Variants in TTYH1 observed in about 807,000 individuals in gnomAD.
The protein encoded by TTYH1 is tweety family member 1, also known as protein tweety homolog 1.
TTYH1 carries 33 observed loss-of-function variants against 61.2 expected under a neutral mutation model. The ratio of observed to expected loss-of-function variants is 0.54; its 90% CI spans 0.41 to 0.72. The LOEUF (loss-of-function observed/expected upper bound fraction) is 0.72, where lower values mean the gene tolerates loss of function less well. Among genes scored for constraint, TTYH1 ranks in the 30% least tolerant of loss-of-function variants. The pLI, the probability that TTYH1 is intolerant of heterozygous loss-of-function variation, is 0.00. For missense variants in TTYH1, 538 were observed against 575.8 expected (o/e 0.93, Z 0.67); for synonymous variants, 308 against 266.4 (o/e 1.16, Z -1.52).
chr19:54,416,817 A>T lies in TTYH1; in HGVS notation c.126+1139A>T. On this transcript the variant is annotated intron_variant, in intron 1 of 13. Transcript: ENST00000376530. This position sits in a 1 kb window ranked among gnomAD's most constrained non-coding sequence, Gnocchi z 7.0. ...CGCGGTTACACAACGGCCACCTCCA[A>T]CAACGCCGCTCCACCGGCTCCGGCC... is the stretch of plus-strand genomic sequence containing the variant. 2 of 1,293,876 alleles carry T rather than the reference A, an allele frequency of 1.5e-6. No homozygotes were observed. The highest frequency in any genetic ancestry group is 2.0e-6 in the Non-Finnish European group (2 of 988,704). 80.1% of individuals were successfully genotyped at this position (1,293,876 alleles called of 1,614,324 possible).
Position 54,429,190 on chromosome 19 carries a change from C to A in TTYH1, c.735-117C>A. ...AACTTGTGTTTCCCTAATTCTGATC[C>A]TCCAGGCTCCAGAGGTGGGTGGAGG... On this transcript the variant is annotated intron_variant, in intron 5 of 13. Transcript: ENST00000376530. This position sits in a 1 kb window ranked among gnomAD's most constrained non-coding sequence, Gnocchi z 5.1. The A allele has an allele frequency of 2.2e-6, 2 of 913,096 alleles. No individual in the cohort carries two copies. The highest frequency in any genetic ancestry group is 3.5e-6 in the Non-Finnish European group (2 of 567,400). The allele number at this position is 913,096 out of a possible 1,614,324, so 56.6% of individuals were successfully genotyped here.
intron 4 of TTYH1, among the ~76,000 whole-genome samples, chr19:54,422,928 CAAAAAAAA>C (rs573699988): frequency 0.41 from 35,262 of 85,350 alleles, 5,469 homozygotes; most frequent in East Asian, 0.61. Flanking sequence ...GACTCCATCT[CAAAAAAAA>C]AAAAAAAAAA....
rs1367050000 is a variant in TTYH1, at chr19:54,420,342, G to C, written c.306-935G>C. On this transcript the variant is annotated intron_variant, in intron 2 of 13. Transcript: ENST00000376530. This position sits in a 1 kb window ranked among gnomAD's most constrained non-coding sequence, Gnocchi z 4.8. ...TCCTCCTCCGGCTCTCTGGCGTGGG[G>C]GGAGACAGGGGAGGTGGACAAAGGC... is the stretch of plus-strand genomic sequence containing the variant. 6.6e-6 allele frequency among the ~76,000 whole-genome samples: 1 copy of C among 152,198 alleles called. No homozygotes were observed. Among genetic ancestry groups the C allele is most frequent in the African/African-American group, 2.4e-5 (1 of 41,462 alleles).
chr19:54,436,280 C>A lies in TTYH1; in HGVS notation c.*43-53C>A, dbSNP rs983038704. The A allele has an allele frequency of 2.5e-6, 4 of 1,612,520 alleles. No individual in the cohort carries two copies. The African/African-American group carries it at 5.3e-5, about 22-fold the overall frequency. ...CGTGCCTCCTGCTGGGTGGATCGCACCGGGCAGGCCCTCCAGCCTGCATCA... is the reference window on the plus strand; with the variant it reads ...CGTGCCTCCTGCTGGGTGGATCGCAACGGGCAGGCCCTCCAGCCTGCATCA... On this transcript the variant is annotated intron_variant, in intron 13 of 13. Transcript: ENST00000376530. This position sits in a 1 kb window ranked among gnomAD's most constrained non-coding sequence, Gnocchi z 4.3.
At chr19:54,430,646 A>G in intron 8 of TTYH1, 41 bp downstream of exon 8, 3 of 1,515,392 alleles carry the variant, frequency 2.0e-6, no homozygotes, top group South Asian at 2.2e-5. Context: ...TGAGGGAGCC[A>G]GAAATCTGGA....
Position 54,435,636 on chromosome 19 carries a change from C to T in TTYH1, c.1220C>T (p.Ala407Val). 1 of 1,612,054 alleles carries T rather than the reference C, an allele frequency of 6.2e-7. No individual in the cohort carries two copies. ...LFSLLSAGAL[A>V]TALCSLPRAW... is the part of the protein sequence containing the mutation. ...TCCCTGCTGTCTGCAGGAGCGCTGG[C>T]CACTGCCCTCTGCAGCCTGCCCCGA... The change falls in exon 11 of 14, where the codon GCC becomes GTC. Residue 407 changes from alanine (A) to valine (V), a missense_variant. This residue lies in a region of TTYH1 where 378 missense variants were observed against 401.2 expected (regional missense o/e 0.94). Coordinates refer to ENST00000376530, the MANE Select transcript of TTYH1 (RefSeq NM_020659.4).
Position 54,421,221 on chromosome 19 carries a change from G to A in TTYH1, c.306-56G>A. 1.7e-6 allele frequency: 2 copies of A among 1,198,426 alleles called. No individual in the cohort carries two copies. The highest frequency in any genetic ancestry group is 2.5e-6 in the Non-Finnish European group (2 of 805,880). The allele number at this position is 1,198,426 out of a possible 1,614,324, so 74.2% of individuals were successfully genotyped here. On this transcript the variant is annotated intron_variant, in intron 2 of 13. Transcript: ENST00000376530. This position sits in a 1 kb window ranked among gnomAD's most constrained non-coding sequence, Gnocchi z 4.8. The stretch of plus-strand genomic sequence containing the variant: ...GGAGGGGATGGGGTGGGAGGGGACG[G>A]TGGCCCCCGGGGTCCTGGGACCCGC...
rs149599438 is a variant in TTYH1 at position 54,435,631 on chromosome 19, G to T, written c.1215G>T (p.Ala405=). The change falls in exon 11 of 14, where the codon GCG becomes GCT. Residue 405 remains alanine (A), a synonymous_variant. Coordinates refer to ENST00000376530, the MANE Select transcript of TTYH1 (RefSeq NM_020659.4). ...TCTTCTCCCTGCTGTCTGCAGGAGC[G>T]CTGGCCACTGCCCTCTGCAGCCTGC... ...LLLFSLLSAG[A]LATALCSLPR... The T allele has an allele frequency of 6.2e-7, 1 of 1,611,848 alleles. No homozygotes were observed. The highest frequency in any genetic ancestry group is 8.5e-7 in the Non-Finnish European group (1 of 1,179,550).
Position 54,429,821 on chromosome 19 carries a change from T to C in TTYH1, c.808-61T>C. ...AGCTGGGGAGCCAGGCACTGGGTGC[T>C]GTGGGAGTGTGGAATCGGGGCAGTT... On this transcript the variant is annotated intron_variant, in intron 6 of 13. Transcript: ENST00000376530. The surrounding 1 kb of genome is among the most constrained non-coding windows in gnomAD (Gnocchi z 5.1). 6.9e-7 allele frequency: 1 copy of C among 1,458,788 alleles called. No individual in the cohort carries two copies. 90.4% of individuals were successfully genotyped at this position (1,458,788 alleles called of 1,614,324 possible). A position where few individuals can be genotyped will look rare whatever the true frequency, so the allele number is the denominator to read the frequency against.
chr19:54,424,823 T>C (rs1290150225), intron 4 of TTYH1, among the ~76,000 whole-genome samples: 2 of 152,128 alleles, frequency 1.3e-5, no homozygotes, highest in Non-Finnish European at 2.9e-5. Flanking sequence ...CCCAAGCTTG[T>C]GGGGCCTGCA....
intron 7 of TTYH1, 71 bp from the exon 8 acceptor site, chr19:54,430,479 C>T: frequency 1.3e-6 from 2 of 1,558,524 alleles, no homozygotes; most frequent in Non-Finnish European, 1.8e-6. Context: ...CCCCCAGTGC[C>T]CGGCCTTCCC....
chr19:54,430,724 A>G (rs1041812593), intron 8 of TTYH1, 89 bp from the exon 9 acceptor site: 1 of 1,578,764 alleles, frequency 6.3e-7, no homozygotes, highest in East Asian at 2.3e-5. Flanking sequence ...GATGCAGGCC[A>G]GGGGCCCGAG....
In TTYH1 at chr19:54,426,716, T is replaced by C; in HGVS notation, c.682T>C (p.Cys228Arg). ...VLLLLLELLV[C>R]LFTLLGLAKQ... is the part of the protein sequence containing the mutation. ...CCTGCTGCTCCTGGAGCTGCTGGTC[T>C]GCCTCTTCACCCTCCTGGGCCTGGC... Residue 228 changes from cysteine to arginine, a missense_variant, in exon 5 of 14, where the codon TGC (cysteine) becomes CGC (arginine). Transcript: ENST00000376530. 4.3e-6 allele frequency: 7 copies of C among 1,614,118 alleles called. No individual in the cohort carries two copies. The highest frequency in any genetic ancestry group is 1.1e-5 in the South Asian group (1 of 91,076).
At chr19:54,435,500 G>A (rs1395065406) in intron 10 of TTYH1, 42 bp from the exon 11 acceptor site, 1 of 1,554,054 alleles carries the variant, frequency 6.4e-7, no homozygotes, top group East Asian at 2.2e-5. Context: ...GCCGATGGGG[G>A]AGGGGGTGGG....
chr19:54,418,331 C>G (rs540254624), intron 1 of TTYH1: 1 of 152,508 alleles, frequency 6.6e-6, no homozygotes, highest in South Asian at 2.1e-4. Context: ...GTGTCTCTCC[C>G]GTCTCCATAG....
At chr19:54,417,521 C>T (rs1282510008) in intron 1 of TTYH1, among the ~76,000 whole-genome samples, 3 of 151,856 alleles carry the variant, frequency 2.0e-5, no homozygotes, top group African/African-American at 7.3e-5. Context: ...TACCCACTTA[C>T]ACATACACAA....
chr19:54,419,186 T>A lies in TTYH1; in HGVS notation c.185T>A (p.Ile62Asn). 1 of 1,613,144 alleles carries A rather than the reference T, an allele frequency of 6.2e-7. No homozygotes were observed. Among genetic ancestry groups the A allele is most frequent in the Non-Finnish European group, 8.5e-7 (1 of 1,179,966 alleles). ...GLGLGLSLIF[I>N]AVYLIRFCCC... ...GGCTTGGGCCTGAGCCTCATTTTCATCGCTGTCTACCTCATCCGCTTCTGC... is the reference window on the plus strand; with the variant it reads ...GGCTTGGGCCTGAGCCTCATTTTCAACGCTGTCTACCTCATCCGCTTCTGC... The change falls in exon 2 of 14, where the codon ATC (isoleucine) becomes AAC (asparagine). Residue 62 changes from isoleucine (I) to asparagine (N), a missense_variant. Around this residue, in one of 3 missense-constraint regions of TTYH1, gnomAD observed 157 missense variants for 157.0 expected, o/e 1.00. Transcript: ENST00000376530. This position sits in a 1 kb window ranked among gnomAD's most constrained non-coding sequence, Gnocchi z 6.1.
At position 54,416,637 on chromosome 19, in the gene TTYH1, G is replaced by A. The variant is rs1379876950; in HGVS notation, c.126+959G>A. The A allele has an allele frequency of 5.3e-6, 4 of 757,472 alleles. No individual in the cohort carries two copies. The highest frequency in any genetic ancestry group is 7.2e-5 in the East Asian group (1 of 13,818). The allele number at this position is 757,472 out of a possible 1,614,324, so 46.9% of individuals were successfully genotyped here. ...GCTGGGATTGGAGAGCTCAGGGGGC[G>A]TGGAGGGGGTCCCAGAAAAGCGCGG... On this transcript the variant is annotated intron_variant, in intron 1 of 13. Coordinates refer to ENST00000376530, the MANE Select transcript of TTYH1 (RefSeq NM_020659.4). This position sits in a 1 kb window ranked among gnomAD's most constrained non-coding sequence, Gnocchi z 7.0.
At chr19:54,425,168 T>C (rs2083298142) in intron 4 of TTYH1, among the ~76,000 whole-genome samples, 2 of 152,164 alleles carry the variant, frequency 1.3e-5, no homozygotes, top group Admixed American at 6.5e-5. Flanking sequence ...GGAGCGGCAA[T>C]GGGTGTCTCC....
Sources: gnomAD v4.1 joint callset for allele counts (sites outside exome capture counted in the v4.1 genomes callset) on GRCh38, gnomAD v4.1.1 for gene constraint, gnomAD v4.1.1 regional missense constraint, Gnocchi (gnomAD v3.1) non-coding constraint, MANE v1.5 for transcripts, NCBI Gene and HGNC (gene_info 2026-07-23, HGNC 2026-07-21) for gene names.